The following CHD6 variants were observed in gnomAD, a reference collection of about 807,000 sequenced individuals.
The protein encoded by CHD6 is ATP-dependent chromatin remodeler CHD6.
In CHD6, 50 loss-of-function variants were observed where a neutral mutation model predicts 276.9. The ratio of observed to expected loss-of-function variants is 0.18; its 90% CI spans 0.14 to 0.23. CHD6 has a LOEUF of 0.23. CHD6 is among the 10% of genes least tolerant of loss of function. CHD6 has a pLI of 1.00. For missense variants in CHD6, 2,564 were observed against 3,365.8 expected (o/e 0.76, Z 5.89); for synonymous variants, 1,173 against 1,229.3 (o/e 0.95, Z 0.96).
At chr20:41,506,800 C>G (rs1336156482) in intron 5 of CHD6, among the ~76,000 whole-genome samples, 5 of 152,206 alleles carry the variant, frequency 3.3e-5, no homozygotes, top group African/African-American at 1.2e-4. Flanking sequence ...GCAGGAATTT[C>G]TGTCCCTTTT....
chr20:41,465,161 A>G (rs1216148581), intron 17 of CHD6, among the ~76,000 whole-genome samples: 1 of 152,244 alleles, frequency 6.6e-6, no homozygotes, highest in African/African-American at 2.4e-5. Flanking sequence ...ATTAATGGAC[A>G]GAAGTAGGAT....
rs180945610 is a variant in CHD6 at position 41,615,796 on chromosome 20, G to T, written c.-24+2544C>A. On this transcript the variant is annotated intron_variant, in intron 1 of 36. Coordinates refer to ENST00000373233, the MANE Select transcript of CHD6 (RefSeq NM_032221.5). The stretch of plus-strand genomic sequence containing the variant: ...TGAAAAACATAGGCACCTACAGGGA[G>T]AATCAAGCCTGATGTTGTGGAACCT... Among the ~76,000 whole-genome samples, 212 of 152,314 alleles carry T rather than the reference G, an allele frequency of 1.4e-3. 1 individual carries two copies. The highest frequency in any genetic ancestry group is 5.0e-3 in the African/African-American group (206 of 41,558).
rs2043470939 is a variant in CHD6 at position 41,488,470 on chromosome 20, A to G, written c.1815T>C (p.Asn605=). The G allele has an allele frequency of 1.2e-6, 2 of 1,613,814 alleles. No individual in the cohort carries two copies. The highest frequency in any genetic ancestry group is 1.1e-5 in the South Asian group (1 of 91,068). ...VIIDEAHRLK[N]RNCKLLEGLK... ...GACCCTCCAGAAGTTTGCAGTTCCT[A>G]TTCTTCAGTCTGTGGGCTTCATCAA... is the stretch of plus-strand genomic sequence containing the variant. The change falls in exon 13 of 37, where the codon AAT becomes AAC. Residue 605 remains asparagine, a synonymous_variant. Transcript: ENST00000373233.
chr20:41,526,850 T>A (rs933367477), intron 3 of CHD6, among the ~76,000 whole-genome samples: 1 of 152,194 alleles, frequency 6.6e-6, no homozygotes, highest in Non-Finnish European at 1.5e-5. Context: ...TCAGCCACAC[T>A]CTAATTACCT....
At chr20:41,445,266 C>T (rs1004520929) in intron 25 of CHD6, among the ~76,000 whole-genome samples, 5 of 152,106 alleles carry the variant, frequency 3.3e-5, no homozygotes, top group Non-Finnish European at 7.4e-5. Context: ...CGAGAATGAC[C>T]TTATAATTCT....
rs983699047 is a variant in CHD6 at position 41,533,144 on chromosome 20, C to A, written c.460G>T (p.Ala154Ser). 4 of 1,614,204 alleles carry A rather than the reference C, an allele frequency of 2.5e-6. No homozygotes were observed. The highest frequency in any genetic ancestry group is 1.7e-5 in the Admixed American group (1 of 60,032). Residue 154 changes from alanine to serine, a missense_variant, in exon 3 of 37, where the codon GCA becomes TCA. This residue lies in a region of CHD6 where 286 missense variants were observed against 297.8 expected (regional missense o/e 0.96). Coordinates refer to ENST00000373233, the MANE Select transcript of CHD6 (RefSeq NM_032221.5). ...CCCGAGGCCTCCCGGGGCTTCCGTG[C>A]CTTCTTTGCCCCATCTTTTTGCTTC... ...EPKQKDGAKKARKPREASGTK... is the reference protein window; with the variant it reads ...EPKQKDGAKKSRKPREASGTK...
intron 17 of CHD6, among the ~76,000 whole-genome samples, chr20:41,465,421 A>C (rs539507602): frequency 1.3e-5 from 2 of 152,336 alleles, no homozygotes; most frequent in South Asian, 4.1e-4. Context: ...AGAAAACATC[A>C]GGCAAATACA....
intron 3 of CHD6, among the ~76,000 whole-genome samples, chr20:41,528,647 C>G (rs1486356672): frequency 6.6e-6 from 1 of 151,684 alleles, no homozygotes; most frequent in East Asian, 1.9e-4. Context: ...TTGGGGAGAC[C>G]CCATCTCTAA....
chr20:41,487,728 T>A lies in CHD6; in HGVS notation c.1938A>T (p.Pro646=). 1.2e-6 allele frequency: 2 copies of A among 1,612,508 alleles called. No homozygotes were observed. The highest frequency in any genetic ancestry group is 1.7e-6 in the Non-Finnish European group (2 of 1,179,600). The change falls in exon 14 of 37, where the codon CCA becomes CCT. Residue 646 remains proline (P), a synonymous_variant. Transcript: ENST00000373233. ...AAGCGGTCTCTGAAGGAAACTGTGATGGCTCCAGAAAATTTAACAAACTGA... is the reference window on the plus strand; with the variant it reads ...AAGCGGTCTCTGAAGGAAACTGTGAAGGCTCCAGAAAATTTAACAAACTGA... ...ELFSLLNFLE[P]SQFPSETAFL...
intron 3 of CHD6, among the ~76,000 whole-genome samples, chr20:41,516,399 C>G (rs2044252510): frequency 6.6e-6 from 1 of 152,076 alleles, no homozygotes; most frequent in Non-Finnish European, 1.5e-5. Context: ...GTCTAAAACT[C>G]CTGACCTCAA....
At chr20:41,454,585 TA>T (rs769006668) in intron 20 of CHD6, 40 bp downstream of exon 20, 2 of 1,441,616 alleles carry the variant, frequency 1.4e-6, no homozygotes, top group Non-Finnish European at 1.9e-6. Context: ...ATGTATGACA[TA>T]AGTGAATGTT....
intron 1 of CHD6, among the ~76,000 whole-genome samples, chr20:41,568,891 T>C (rs2045387253): frequency 6.6e-6 from 1 of 152,200 alleles, no homozygotes; most frequent in Non-Finnish European, 1.5e-5. Flanking sequence ...CCTCCTGCAC[T>C]TTCCTTAGGG....
chr20:41,588,587 G>A (rs1248968536), intron 1 of CHD6, among the ~76,000 whole-genome samples: 2 of 152,182 alleles, frequency 1.3e-5, no homozygotes, highest in Non-Finnish European at 2.9e-5. Flanking sequence ...GGGTAAAGAC[G>A]TAGAAAACTA....
At chr20:41,558,371 C>A (rs1265028653) in intron 1 of CHD6, among the ~76,000 whole-genome samples, 2 of 152,212 alleles carry the variant, frequency 1.3e-5, no homozygotes, top group Admixed American at 6.5e-5. Context: ...AAAGGGATGG[C>A]AATCTATGGC....
At chr20:41,534,171 T>C (rs1222928861) in intron 2 of CHD6, among the ~76,000 whole-genome samples, 2 of 152,178 alleles carry the variant, frequency 1.3e-5, no homozygotes, top group Non-Finnish European at 2.9e-5. Context: ...TCGGTAACAA[T>C]GTGGGTGTTA....
At chr20:41,594,683 T>C (rs1438466557) in intron 1 of CHD6, among the ~76,000 whole-genome samples, 1 of 152,250 alleles carries the variant, frequency 6.6e-6, no homozygotes, top group Non-Finnish European at 1.5e-5. Context: ...CTTGTTTCTC[T>C]GCTTAATCTA....
intron 20 of CHD6, among the ~76,000 whole-genome samples, chr20:41,453,224 C>T (rs1013320692): frequency 1.9e-4 from 28 of 145,212 alleles, no homozygotes; most frequent in African/African-American, 7.2e-4. Flanking sequence ...GCAGGCAAGG[C>T]CCCCCCCCAG....
intron 8 of CHD6, among the ~76,000 whole-genome samples, chr20:41,494,375 G>A (rs1454320841): frequency 2.0e-5 from 3 of 152,114 alleles, no homozygotes; most frequent in African/African-American, 4.8e-5. Context: ...GCTGATCTAG[G>A]TAGTAGTTAC....
At chr20:41,609,855 CTTTTTTTT>C (rs369159347) in intron 1 of CHD6, among the ~76,000 whole-genome samples, 19 of 128,216 alleles carry the variant, frequency 1.5e-4, no homozygotes, top group Middle Eastern at 4.0e-3. Context: ...TTTCTTTTTT[CTTTTTTTT>C]TTTTTTTTTT....
Sources: allele counts gnomAD v4.1 joint callset (sites outside exome capture counted in the v4.1 genomes callset), GRCh38; gene constraint gnomAD v4.1.1; regional missense constraint gnomAD v4.1.1; transcripts MANE v1.5; gene names NCBI Gene and HGNC (gene_info 2026-07-23, HGNC 2026-07-21).